Variants in NPHP3 observed in about 807,000 individuals in gnomAD.
NPHP3 encodes the protein nephrocystin 3.
A neutral mutation model predicts 171.9 loss-of-function variants in NPHP3; 123 were observed. The observed-to-expected ratio is 0.72, with a 90% CI of 0.62 to 0.83. The LOEUF is 0.83. Ranked by LOEUF, NPHP3 falls within the 40% of genes least tolerant of loss-of-function variation. NPHP3 has a pLI of 0.00. For missense variants in NPHP3, 1,506 were observed against 1,591.9 expected, an observed-to-expected ratio of 0.95 and a Z score of 0.92; for synonymous variants, 558 against 579.2, an observed-to-expected ratio of 0.96 and a Z score of 0.52.
intron 21 of NPHP3, 139 bp from the exon 22 acceptor site, chr3:132,687,365 A>G: frequency 1.7e-6 from 1 of 571,750 alleles, no homozygotes; most frequent in South Asian, 2.0e-5. Flanking sequence ...GATAGTCATG[A>G]CATTAAGAAT....
At chr3:132,712,346 T>C (rs760729393) in intron 6 of NPHP3, 4 of 447,810 alleles carry the variant, frequency 8.9e-6, no homozygotes, top group Non-Finnish European at 1.8e-5. Flanking sequence ...ATGTTGATTA[T>C]TGAAATTAGG....
chr3:132,710,446 G>A (rs1364174385), intron 6 of NPHP3, among the ~76,000 whole-genome samples: 1 of 151,864 alleles, frequency 6.6e-6, no homozygotes, highest in Non-Finnish European at 1.5e-5. Flanking sequence ...CCCATCCCTT[G>A]AGAAAGACTG....
At chr3:132,688,602 G>A (rs1326519848) in intron 21 of NPHP3, 48 bp downstream of exon 21, 25 of 1,598,474 alleles carry the variant, frequency 1.6e-5, no homozygotes, top group Non-Finnish European at 2.1e-5. Flanking sequence ...CACTAAAACT[G>A]TAATCCCCCT....
intron 5 of NPHP3, among the ~76,000 whole-genome samples, chr3:132,714,671 G>T (rs985687184): frequency 6.6e-6 from 1 of 152,112 alleles, no homozygotes; most frequent in Admixed American, 6.6e-5. Flanking sequence ...TTAGGCTACA[G>T]TGAGCTATGA....
Position 132,722,338 on chromosome 3 carries a change from C to T in NPHP3, c.18G>A (p.Ser6=). 6.3e-7 allele frequency: 1 copy of T among 1,577,826 alleles called. No individual in the cohort carries two copies. The highest frequency in any genetic ancestry group is 8.5e-7 in the Non-Finnish European group (1 of 1,171,234). The part of the protein sequence containing the change: MGTAS[S]LVSPAGGEVI... ...CTTCCCCGCCCGCGGGGCTCACGAGCGACGAGGCGGTCCCCATGGCGTCCG... is the reference window on the plus strand; with the variant it reads ...CTTCCCCGCCCGCGGGGCTCACGAGTGACGAGGCGGTCCCCATGGCGTCCG... Residue 6 remains serine (S), a synonymous_variant, in exon 1 of 27, where the codon TCG becomes TCA. Coordinates refer to ENST00000337331, the MANE Select transcript of NPHP3 (RefSeq NM_153240.5).
intron 7 of NPHP3, among the ~76,000 whole-genome samples, chr3:132,707,412 A>C (rs926791111): frequency 6.6e-6 from 1 of 152,104 alleles, no homozygotes; most frequent in Non-Finnish European, 1.5e-5. Flanking sequence ...TTGAGGCTTC[A>C]GTGAGATATG....
chr3:132,692,669 C>T lies in NPHP3; in HGVS notation c.2460G>A (p.Arg820=). 3.1e-6 allele frequency: 5 copies of T among 1,613,894 alleles called. No individual in the cohort carries two copies. The highest frequency in any genetic ancestry group is 4.2e-6 in the Non-Finnish European group (5 of 1,179,904). ...CLLTYGCGLL[R]FQHLQAWETV... The stretch of plus-strand genomic sequence containing the variant: ...ATAACATTACCTGCAGATGTTGAAA[C>T]CTAAGCAAGCCACATCCATAAGTCA... The change falls in exon 17 of 27, where the codon AGG becomes AGA. Residue 820 remains arginine, a synonymous_variant. Coordinates refer to ENST00000337331, the MANE Select transcript of NPHP3 (RefSeq NM_153240.5).
At chr3:132,701,180 T>C (rs1939596523) in intron 10 of NPHP3, among the ~76,000 whole-genome samples, 1 of 152,230 alleles carries the variant, frequency 6.6e-6, no homozygotes, top group Non-Finnish European at 1.5e-5. Flanking sequence ...AGCACTCCCA[T>C]AGCTGTTACT....
chr3:132,691,432 CAT>C (rs1939296409), intron 17 of NPHP3, 146 bp from the exon 18 acceptor site: 8 of 633,810 alleles, frequency 1.3e-5, no homozygotes, highest in Admixed American at 8.0e-5. Context: ...AAATTTAGGA[CAT>C]ATTTATTTGA....
At chr3:132,707,383 G>A (rs1021637727) in intron 7 of NPHP3, among the ~76,000 whole-genome samples, 4 of 151,992 alleles carry the variant, frequency 2.6e-5, no homozygotes, top group Admixed American at 6.6e-5. Context: ...AGGACTGCTC[G>A]ATCTCTGAGT....
intron 16 of NPHP3, among the ~76,000 whole-genome samples, chr3:132,694,592 T>C (rs186189117): frequency 6.8e-4 from 104 of 152,016 alleles, no homozygotes; most frequent in African/African-American, 2.3e-3. Context: ...AAAAAATGGG[T>C]AAAGACCTGA....
intron 26 of NPHP3, 121 bp downstream of exon 26, chr3:132,682,582 C>T: frequency 1.4e-6 from 1 of 690,298 alleles, no homozygotes. Flanking sequence ...AGTCAGTCAG[C>T]AAAAAACAAC....
chr3:132,708,941 C>T lies in NPHP3; in HGVS notation c.1119-684G>A, dbSNP rs571821724. On this transcript the variant is annotated intron_variant, in intron 6 of 26. Coordinates refer to ENST00000337331, the MANE Select transcript of NPHP3 (RefSeq NM_153240.5). ...ACCCTTCTTGGGCAGACCAGGCTCA[C>T]TAAGAATTCTTGAACCTATGTAGAA... Among the ~76,000 whole-genome samples the T allele has an allele frequency of 3.9e-5, 6 of 152,320 alleles. No homozygotes were observed. The South Asian group carries it at 1.2e-3, about 32-fold the overall frequency.
At chr3:132,699,784 C>A in intron 12 of NPHP3, 134 bp downstream of exon 12, 1 of 986,618 alleles carries the variant, frequency 1.0e-6, no homozygotes. Flanking sequence ...ATGTTACCTC[C>A]CTAGAAATAA....
At position 132,719,834 on chromosome 3, in the gene NPHP3, G is replaced by A. The variant is rs765127724; in HGVS notation, c.394-4C>T. On this transcript the variant is annotated splice_region_variant and splice_polypyrimidine_tract_variant and intron_variant, in intron 1 of 26. Transcript: ENST00000337331. ...TCTGATACGTTTTTTGAAGTGCCTA[G>A]AATAATTTACCTTGTTATTTCCTAA... The A allele has an allele frequency of 6.3e-7, 1 of 1,574,912 alleles. No homozygotes were observed. The highest frequency in any genetic ancestry group is 8.6e-7 in the Non-Finnish European group (1 of 1,156,898).
At chr3:132,712,440 C>T (rs1479345960) in intron 6 of NPHP3, 1 of 456,946 alleles carries the variant, frequency 2.2e-6, no homozygotes, top group East Asian at 6.9e-5. Context: ...AAAGATTCAA[C>T]TTTGCTATTA....
chr3:132,689,586 G>A (rs1316306144), intron 19 of NPHP3, among the ~76,000 whole-genome samples: 1 of 152,090 alleles, frequency 6.6e-6, no homozygotes, highest in Admixed American at 6.6e-5. Context: ...TACCATCATG[G>A]CTACTTACCA....
Position 132,722,305 on chromosome 3 carries a change from C to T in NPHP3, c.51G>A (p.Glu17=), listed in dbSNP as rs1255941818. Residue 17 remains glutamate, a synonymous_variant, in exon 1 of 27, where the codon GAG becomes GAA. Coordinates refer to ENST00000337331, the MANE Select transcript of NPHP3 (RefSeq NM_153240.5). ...CGCCGCCGCCCGCCCCGTACGTGTC[C>T]TCGATCACTTCCCCGCCCGCGGGGC... The part of the protein sequence containing the change: ...LVSPAGGEVI[E]DTYGAGGGEA... The T allele has an allele frequency of 6.3e-7, 1 of 1,581,906 alleles. No individual in the cohort carries two copies. The highest frequency in any genetic ancestry group is 1.7e-5 in the Admixed American group (1 of 58,434).
rs1939692305 is a variant in NPHP3 at position 132,704,356 on chromosome 3, CA to C, written c.1365del (p.Phe455LeufsTer62). 6.2e-7 allele frequency: 1 copy of C among 1,613,984 alleles called. No individual in the cohort carries two copies. The highest frequency in any genetic ancestry group is 1.3e-5 in the African/African-American group (1 of 74,914). ...EKIIKQDILG[F>X]ENTDLETKDL... ...TCCTTAGTCTCCAAGTCTGTGTTCT[CA>C]AAACCCAGTATGTCCTAAACACAAA... On this transcript the variant is annotated frameshift_variant, in exon 9 of 27. Transcript: ENST00000337331. LOFTEE classifies it high-confidence loss of function.
Sources: allele counts gnomAD v4.1 joint callset (sites outside exome capture counted in the v4.1 genomes callset), GRCh38; gene constraint gnomAD v4.1.1; transcripts MANE v1.5; gene names NCBI Gene and HGNC (gene_info 2026-07-23, HGNC 2026-07-21).